The following ARHGAP39 variants were observed in gnomAD, a reference collection of about 807,000 sequenced individuals.
The protein encoded by ARHGAP39 is rho GTPase-activating protein 39.
Under a neutral mutation model 106.9 loss-of-function variants are expected in ARHGAP39, and 44 were observed. The ratio of observed to expected loss-of-function variants is 0.41; its 90% CI spans 0.32 to 0.53. The LOEUF (loss-of-function observed/expected upper bound fraction) is 0.53. Ranked by LOEUF, ARHGAP39 falls within the 20% of genes least tolerant of loss-of-function variation. The pLI is 0.21. For missense variants in ARHGAP39, 1,496 were observed against 1,577.3 expected (o/e 0.95, Z 0.87); for synonymous variants, 768 against 693.2 (o/e 1.11, Z -1.69).
chr8:144,686,726 C>A (rs1336994810), upstream of ARHGAP39, among the ~76,000 whole-genome samples: 1 of 152,216 alleles, frequency 6.6e-6, no homozygotes, highest in Non-Finnish European at 1.5e-5. Flanking sequence ...TCACTCTTCA[C>A]TCTTATACAC....
chr8:144,600,085 A>T (rs527925580), intron 2 of ARHGAP39, among the ~76,000 whole-genome samples: 2 of 151,704 alleles, frequency 1.3e-5, no homozygotes, highest in South Asian at 4.2e-4. Context: ...GTGTGCATGG[A>T]GGCATGTGTG....
intron 3 of ARHGAP39, among the ~76,000 whole-genome samples, chr8:144,556,750 A>C (rs1246508935): frequency 3.5e-4 from 20 of 56,348 alleles, no homozygotes; most frequent in African/African-American, 1.1e-3. Context: ...TAGTATTCAG[A>C]GGCAAAGGCT....
Position 144,631,484 on chromosome 8 carries a change from G to A in ARHGAP39, c.-81-25789C>T, listed in dbSNP as rs187528471. Among the ~76,000 whole-genome samples the A allele has an allele frequency of 5.3e-5, 8 of 152,312 alleles. No homozygotes were observed. In the East Asian group the frequency reaches 7.7e-4, roughly 15 times the overall value. ...CTTTACGCCATCTGCCCCGTTTCACGGGTGTGATATCCTCTCGTTCCTGAG... is the reference window on the plus strand; with the variant it reads ...CTTTACGCCATCTGCCCCGTTTCACAGGTGTGATATCCTCTCGTTCCTGAG... On this transcript the variant is annotated intron_variant, in intron 1 of 11. Transcript: ENST00000377307.
At chr8:144,622,697 T>C (rs1820836177) in intron 1 of ARHGAP39, among the ~76,000 whole-genome samples, 1 of 152,250 alleles carries the variant, frequency 6.6e-6, no homozygotes, top group Non-Finnish European at 1.5e-5. Context: ...AAGATATATT[T>C]TTAAAAACTT....
At chr8:144,533,745 G>T (rs1260539840) in intron 8 of ARHGAP39, among the ~76,000 whole-genome samples, 1 of 152,246 alleles carries the variant, frequency 6.6e-6, no homozygotes, top group African/African-American at 2.4e-5. Context: ...GAAACTTCCA[G>T]AAGTCTGTGG....
At chr8:144,609,095 T>G (rs1034300300) in intron 1 of ARHGAP39, among the ~76,000 whole-genome samples, 2 of 152,218 alleles carry the variant, frequency 1.3e-5, no homozygotes, top group Non-Finnish European at 2.9e-5. Context: ...CTGAACACAA[T>G]TAGTAAGAGT....
At chr8:144,685,489 C>G (rs1481837075) in intron 1 of ARHGAP39, among the ~76,000 whole-genome samples, 197 bp downstream of exon 1, 1 of 149,130 alleles carries the variant, frequency 6.7e-6, no homozygotes, top group African/African-American at 2.4e-5. Flanking sequence ...GGCCGGGCCC[C>G]GCACACCCAC....
upstream of ARHGAP39, among the ~76,000 whole-genome samples, chr8:144,686,159 G>A (rs983268050): frequency 9.9e-5 from 15 of 152,146 alleles, no homozygotes; most frequent in Admixed American, 3.9e-4. Context: ...GTGTAATTTT[G>A]CCCTCTCAAA....
chr8:144,643,879 C>A (rs1175102449), intron 1 of ARHGAP39, among the ~76,000 whole-genome samples: 2 of 151,914 alleles, frequency 1.3e-5, no homozygotes, highest in East Asian at 3.9e-4. Flanking sequence ...TTGTTTTTCA[C>A]CCAATAGGAT....
chr8:144,659,404 T>A (rs1821770044), intron 1 of ARHGAP39, among the ~76,000 whole-genome samples: 1 of 152,228 alleles, frequency 6.6e-6, no homozygotes, highest in South Asian at 2.1e-4. Context: ...CCTTTTTCAA[T>A]CGTTTTTGAC....
chr8:144,569,339 G>A (rs1447302291), intron 3 of ARHGAP39, among the ~76,000 whole-genome samples: 5 of 152,166 alleles, frequency 3.3e-5, no homozygotes, highest in African/African-American at 1.2e-4. Context: ...TCCAAACAAA[G>A]ACTTGTACAT....
intron 1 of ARHGAP39, among the ~76,000 whole-genome samples, chr8:144,665,790 A>T (rs573131015): frequency 6.6e-6 from 1 of 152,344 alleles, no homozygotes; most frequent in Non-Finnish European, 1.5e-5. Context: ...TGCTGCAGGG[A>T]TGGAGCCCTC....
chr8:144,548,615 C>T lies in ARHGAP39; in HGVS notation c.597-126G>A. 1 of 1,315,942 alleles carries T rather than the reference C, an allele frequency of 7.6e-7. No homozygotes were observed. Among genetic ancestry groups the T allele is most frequent in the Non-Finnish European group, 1.0e-6 (1 of 989,610 alleles). 81.5% of individuals were successfully genotyped at this position (1,315,942 alleles called of 1,614,324 possible). A position where few individuals can be genotyped will look rare whatever the true frequency, so the allele number is the denominator to read the frequency against. On this transcript the variant is annotated intron_variant, in intron 4 of 11. Coordinates refer to ENST00000377307, the MANE Select transcript of ARHGAP39 (RefSeq NM_025251.3). This position sits in a 1 kb window ranked among gnomAD's most constrained non-coding sequence, Gnocchi z 7.4. ...TGTTGTACACCTTCCTCGCTGGGGC[C>T]CTGTGGCCTGGCGCCCCTCACACCT...
At chr8:144,653,202 A>G (rs1034730579) in intron 1 of ARHGAP39, among the ~76,000 whole-genome samples, 1 of 152,192 alleles carries the variant, frequency 6.6e-6, no homozygotes, top group Non-Finnish European at 1.5e-5. Flanking sequence ...AGACTGAGGC[A>G]GGAATCCACA....
chr8:144,689,648 C>CA (rs1416120278), upstream of ARHGAP39, among the ~76,000 whole-genome samples: 2 of 151,260 alleles, frequency 1.3e-5, no homozygotes, highest in Non-Finnish European at 1.5e-5. Context: ...GTTGGTTGGC[C>CA]AGGCTGATCT....
chr8:144,601,046 A>G (rs111206470), intron 2 of ARHGAP39, among the ~76,000 whole-genome samples: 14,407 of 86,044 alleles, frequency 0.17, 1,790 homozygotes, highest in African/African-American at 0.4. Context: ...CTGTGTGTGC[A>G]CATGGAGGCG....
At chr8:144,558,272 A>T (rs1818019466) in intron 3 of ARHGAP39, among the ~76,000 whole-genome samples, 1 of 152,168 alleles carries the variant, frequency 6.6e-6, no homozygotes, top group Admixed American at 6.5e-5. Flanking sequence ...AAATTAGTTA[A>T]TATGTTTAAT....
At chr8:144,551,453 C>T (rs1817686337) in intron 4 of ARHGAP39, among the ~76,000 whole-genome samples, 2 of 152,302 alleles carry the variant, frequency 1.3e-5, no homozygotes, top group African/African-American at 4.8e-5. Flanking sequence ...CTCCTCAATG[C>T]AGGCCGAGGC....
intron 3 of ARHGAP39, among the ~76,000 whole-genome samples, chr8:144,576,504 A>G (rs1324841638): frequency 6.6e-6 from 1 of 152,200 alleles, no homozygotes; most frequent in African/African-American, 2.4e-5. Flanking sequence ...GTGACAGGGC[A>G]GGGCTAAGGC....
Sources: gnomAD v4.1 joint callset for allele counts (sites outside exome capture counted in the v4.1 genomes callset) on GRCh38, gnomAD v4.1.1 for gene constraint, Gnocchi (gnomAD v3.1) non-coding constraint, MANE v1.5 for transcripts, NCBI Gene and HGNC (gene_info 2026-07-23, HGNC 2026-07-21) for gene names.